Variants in LCMT1 observed in about 807,000 individuals in gnomAD.
LCMT1 encodes the protein leucine carboxyl methyltransferase 1.
Under a neutral mutation model 47.7 loss-of-function variants are expected in LCMT1, and 32 were observed. The ratio of observed to expected loss-of-function variants is 0.67; its 90% confidence interval spans 0.51 to 0.90. The LOEUF (loss-of-function observed/expected upper bound fraction) is 0.90. LCMT1 is among the 40% of genes least tolerant of loss of function. The pLI is 0.00. For missense variants in LCMT1, 375 were observed against 415.2 expected, an observed-to-expected ratio of 0.90 and a Z score of 0.84; for synonymous variants, 152 against 149.7, an observed-to-expected ratio of 1.02 and a Z score of -0.11.
In LCMT1 at chr16:25,178,139, G is replaced by GTATTTTT; in HGVS notation, c.*116_*117insTATTTTT. 1.1e-6 allele frequency: 1 copy of GTATTTTT among 883,174 alleles called. No individual in the cohort carries two copies. Among genetic ancestry groups the GTATTTTT allele is most frequent in the Non-Finnish European group, 1.8e-6 (1 of 542,206 alleles). The allele number at this position is 883,174 out of a possible 1,614,324, so 54.7% of individuals were successfully genotyped here. ...TCCGCAGGTCTCATCCCACACTCTTGAGAAGCCTTGGTCACTACAGTGGTC... is the reference window on the plus strand; with the variant it reads ...TCCGCAGGTCTCATCCCACACTCTTGTATTTTTAGAAGCCTTGGTCACTACAGTGGTC... On this transcript the variant is annotated 3_prime_UTR_variant, in exon 11 of 11. Transcript: ENST00000399069.
At chr16:25,128,760 A>G (rs1960264829) in intron 2 of LCMT1, among the ~76,000 whole-genome samples, 194 bp downstream of exon 2, 2 of 151,672 alleles carry the variant, frequency 1.3e-5, no homozygotes, top group Non-Finnish European at 2.9e-5. Flanking sequence ...TGTCCTTTGC[A>G]GGGACATGGA....
intron 4 of LCMT1, 89 bp from the exon 5 acceptor site, chr16:25,151,465 G>A (rs574597290): frequency 9.2e-7 from 1 of 1,087,470 alleles, no homozygotes; most frequent in Admixed American, 2.0e-5. Context: ...TTTTGGTAGT[G>A]AGTGTCTGCA....
intron 4 of LCMT1, chr16:25,147,408 A>C (rs575369426): frequency 1.5e-4 from 23 of 152,318 alleles, no homozygotes; most frequent in African/African-American, 4.8e-4. Flanking sequence ...TCGGGGCCTG[A>C]GGCTGTGGAG....
intron 4 of LCMT1, chr16:25,144,258 A>G (rs1960783912): frequency 1.3e-5 from 2 of 152,232 alleles, no homozygotes; most frequent in African/African-American, 2.4e-5. Context: ...GAGTTGGTGT[A>G]TAAATTTACT....
At chr16:25,170,510 A>C (rs1961723627) in intron 8 of LCMT1, among the ~76,000 whole-genome samples, 1 of 152,182 alleles carries the variant, frequency 6.6e-6, no homozygotes, top group Admixed American at 6.5e-5. Flanking sequence ...CACACCTCTC[A>C]TCCCAGCACC....
chr16:25,134,889 CTA>C, intron 3 of LCMT1, among the ~76,000 whole-genome samples: 2 of 152,242 alleles, frequency 1.3e-5, no homozygotes, highest in South Asian at 4.1e-4. Flanking sequence ...GTATGAGCCA[CTA>C]TGCTCGGCTG....
chr16:25,136,685 G>A (rs1323773730), intron 3 of LCMT1, among the ~76,000 whole-genome samples: 1 of 151,866 alleles, frequency 6.6e-6, no homozygotes, highest in Non-Finnish European at 1.5e-5. Flanking sequence ...GAGTAGCTGG[G>A]ATTACAGATG....
intron 4 of LCMT1, among the ~76,000 whole-genome samples, 183 bp from the exon 5 acceptor site, chr16:25,151,371 A>G (rs1371759551): frequency 6.6e-6 from 1 of 152,202 alleles, no homozygotes; most frequent in East Asian, 1.9e-4. Flanking sequence ...GTTTTACCGT[A>G]TGTGCTTAGG....
chr16:25,137,139 A>G (rs765564645), intron 3 of LCMT1, among the ~76,000 whole-genome samples: 7 of 152,012 alleles, frequency 4.6e-5, no homozygotes, highest in East Asian at 1.9e-4. Context: ...ACCCATACCA[A>G]TTCTCCTGCC....
chr16:25,146,144 C>T (rs1171452085), intron 4 of LCMT1: 1 of 152,280 alleles, frequency 6.6e-6, no homozygotes, highest in African/African-American at 2.4e-5. Flanking sequence ...CTTAGGACAC[C>T]TGTCTATTCC....
rs542231545 is a variant in LCMT1, at chr16:25,162,588, CAAAA to C, written c.569+1396_569+1399del. Among the ~76,000 whole-genome samples, 60 of 78,804 alleles carry C rather than the reference CAAAA, an allele frequency of 7.6e-4. 1 individual carries two copies. Among genetic ancestry groups the C allele is most frequent in the African/African-American group, 2.5e-3 (56 of 22,148 alleles). 51.7% of individuals were successfully genotyped at this position (78,804 alleles called of 152,430 possible). A position where few individuals can be genotyped will look rare whatever the true frequency, so the allele number is the denominator to read the frequency against. ...TGGACAACAGAGCAAGACTCCATCT[CAAAA>C]AAAAAAAAAAAGAAAAGAAAAGAAA... On this transcript the variant is annotated intron_variant, in intron 6 of 10. Coordinates refer to ENST00000399069, the MANE Select transcript of LCMT1 (RefSeq NM_016309.3).
chr16:25,168,991 T>C (rs1276205173), intron 7 of LCMT1, 121 bp from the exon 8 acceptor site: 5 of 716,564 alleles, frequency 7.0e-6, no homozygotes, highest in Non-Finnish European at 1.2e-5. Context: ...GTCCGTTTCC[T>C]ATGCTGGGTG....
At chr16:25,164,841 C>T in intron 7 of LCMT1, 123 bp downstream of exon 7, 1 of 1,267,932 alleles carries the variant, frequency 7.9e-7, no homozygotes, top group South Asian at 1.3e-5. Flanking sequence ...TCACATATCT[C>T]CTTTATTCAC....
intron 3 of LCMT1, among the ~76,000 whole-genome samples, chr16:25,136,247 A>G (rs1420996842): frequency 6.6e-6 from 1 of 151,578 alleles, no homozygotes; most frequent in Non-Finnish European, 1.5e-5. Flanking sequence ...AGCAGGGTCA[A>G]TTTTGGCAGT....
At chr16:25,130,918 A>G (rs1960333313) in intron 2 of LCMT1, among the ~76,000 whole-genome samples, 1 of 152,218 alleles carries the variant, frequency 6.6e-6, no homozygotes. Context: ...ACAGCAGAGT[A>G]TGCAGGAAAG....
intron 4 of LCMT1, chr16:25,146,463 T>G (rs1288167204): frequency 1.3e-5 from 2 of 152,346 alleles, no homozygotes; most frequent in African/African-American, 4.8e-5. Context: ...GTAGGCACAT[T>G]GGCTCCATCC....
rs1476445880 is a variant in LCMT1, at chr16:25,118,881, C to T, written c.113+6885C>T. Among the ~76,000 whole-genome samples, 9 of 151,882 alleles carry T rather than the reference C, an allele frequency of 5.9e-5. No homozygotes were observed. The East Asian group carries it at 9.7e-4, about 16-fold the overall frequency. On this transcript the variant is annotated intron_variant, in intron 1 of 10. Coordinates refer to ENST00000399069, the MANE Select transcript of LCMT1 (RefSeq NM_016309.3). Reference sequence around the variant, plus strand: ...GCGGGGGCAGATGCTGCAGGTCACTCGAGGGAGGCTCTTGTAAGGACCCGA... The same window carrying T: ...GCGGGGGCAGATGCTGCAGGTCACTTGAGGGAGGCTCTTGTAAGGACCCGA...
Position 25,175,051 on chromosome 16 carries a change from T to C in LCMT1, c.982+17T>C, listed in dbSNP as rs1296459333. The C allele has an allele frequency of 6.8e-7, 1 of 1,467,720 alleles. No homozygotes were observed. The highest frequency in any genetic ancestry group is 1.2e-5 in the South Asian group (1 of 84,556). 90.9% of individuals were successfully genotyped at this position (1,467,720 alleles called of 1,614,324 possible). A position where few individuals can be genotyped will look rare whatever the true frequency, so the allele number is the denominator to read the frequency against. Reference sequence around the variant, plus strand: ...ATGAGCTTGGTGCGTGATTGTACTTTTCTTGCCTTGACCTGGAAATAGTGA... The same window carrying C: ...ATGAGCTTGGTGCGTGATTGTACTTCTCTTGCCTTGACCTGGAAATAGTGA... On this transcript the variant is annotated intron_variant, in intron 10 of 10. Coordinates refer to ENST00000399069, the MANE Select transcript of LCMT1 (RefSeq NM_016309.3).
intron 4 of LCMT1, chr16:25,142,199 G>A (rs1250697637): frequency 1.3e-5 from 2 of 152,252 alleles, no homozygotes; most frequent in Non-Finnish European, 2.9e-5. Context: ...CAGGTGAGCA[G>A]CTAAGCTGTG....
Sources: gnomAD v4.1 joint callset for allele counts (sites outside exome capture counted in the v4.1 genomes callset) on GRCh38, gnomAD v4.1.1 for gene constraint, MANE v1.5 for transcripts, NCBI Gene and HGNC (gene_info 2026-07-23, HGNC 2026-07-21) for gene names.